The following FHOD3 variants were observed in gnomAD, a reference collection of about 807,000 sequenced individuals.
FHOD3 encodes the protein formin homology 2 domain containing 3.
FHOD3 carries 90 observed loss-of-function variants against 173.0 expected under a neutral mutation model. That is an observed-to-expected ratio of 0.52 (90% CI 0.44 to 0.62). The LOEUF is 0.62. FHOD3 is among the 20% of genes least tolerant of loss of function. The probability of loss-of-function intolerance (pLI) is 0.00; values close to 1 mark genes in which losing one functional copy is unlikely to be tolerated. For missense variants in FHOD3, 1,945 were observed against 2,034.7 expected (o/e 0.96, Z 0.85); for synonymous variants, 828 against 823.0 (o/e 1.01, Z -0.10).
intron 3 of FHOD3, among the ~76,000 whole-genome samples, chr18:36,499,072 A>G (rs1426561140): frequency 1.4e-5 from 2 of 138,672 alleles, no homozygotes; most frequent in African/African-American, 2.8e-5. Flanking sequence ...GCCTATTGCT[A>G]TTTTTGTTTT....
intron 3 of FHOD3, among the ~76,000 whole-genome samples, chr18:36,435,134 C>T (rs568914611): frequency 2.5e-4 from 38 of 149,950 alleles, no homozygotes; most frequent in South Asian, 2.3e-3. Flanking sequence ...AGAAAAGACC[C>T]GTTTCCTTGA....
intron 3 of FHOD3, among the ~76,000 whole-genome samples, chr18:36,495,381 A>G (rs967957203): frequency 2.6e-5 from 4 of 151,806 alleles, no homozygotes; most frequent in Admixed American, 6.6e-5. Flanking sequence ...CTCCCCTGCA[A>G]CCTCCCCTGA....
intron 3 of FHOD3, among the ~76,000 whole-genome samples, chr18:36,382,323 C>T (rs1050573051): frequency 3.2e-4 from 49 of 152,242 alleles, no homozygotes; most frequent in Non-Finnish European, 1.0e-4. Flanking sequence ...ACTTCTGTTC[C>T]CGGAACAAAG....
At chr18:36,377,103 C>T (rs2047479119) in intron 3 of FHOD3, among the ~76,000 whole-genome samples, 1 of 152,162 alleles carries the variant, frequency 6.6e-6, no homozygotes, top group Admixed American at 6.5e-5. Context: ...CCTGTAGCTA[C>T]AGTATAGGGG....
intron 10 of FHOD3, among the ~76,000 whole-genome samples, chr18:36,630,087 T>C (rs1167325403): frequency 6.6e-6 from 1 of 152,194 alleles, no homozygotes; most frequent in East Asian, 1.9e-4. Flanking sequence ...ATCCACATGA[T>C]GCTGAGATAG....
chr18:36,634,341 G>A (rs2034724755), intron 10 of FHOD3, among the ~76,000 whole-genome samples: 1 of 152,122 alleles, frequency 6.6e-6, no homozygotes, highest in Non-Finnish European at 1.5e-5. Flanking sequence ...TGGGGGGTGA[G>A]CTCATCTTCC....
chr18:36,398,156 A>T (rs1255804265), intron 3 of FHOD3, among the ~76,000 whole-genome samples: 9 of 152,220 alleles, frequency 5.9e-5, no homozygotes. Flanking sequence ...AATATGCAGG[A>T]AGTTAAAAGG....
chr18:36,583,172 AT>A (rs1206564038), intron 6 of FHOD3, among the ~76,000 whole-genome samples: 1 of 152,178 alleles, frequency 6.6e-6, no homozygotes, highest in African/African-American at 2.4e-5. Flanking sequence ...TTTTAGGGTC[AT>A]TGTACAATTA....
intron 5 of FHOD3, among the ~76,000 whole-genome samples, chr18:36,554,250 A>G (rs922669176): frequency 4.6e-5 from 7 of 152,194 alleles, no homozygotes; most frequent in East Asian, 1.9e-4. Context: ...ATGTCCATCA[A>G]TGATAGACTG....
chr18:36,448,590 G>A (rs988877742), intron 3 of FHOD3, among the ~76,000 whole-genome samples: 3 of 152,066 alleles, frequency 2.0e-5, no homozygotes, highest in Non-Finnish European at 2.9e-5. Flanking sequence ...AAGGCTCCCC[G>A]CCTCCCTCTG....
chr18:36,299,162 A>T (rs1428157330), intron 1 of FHOD3, among the ~76,000 whole-genome samples: 1 of 152,184 alleles, frequency 6.6e-6, no homozygotes, highest in Admixed American at 6.5e-5. Context: ...TTTCCTCTCT[A>T]TTAATGTATC....
intron 5 of FHOD3, among the ~76,000 whole-genome samples, chr18:36,550,801 T>C (rs1203709268): frequency 1.3e-5 from 2 of 152,222 alleles, no homozygotes; most frequent in South Asian, 2.1e-4. Flanking sequence ...AACTGACTTA[T>C]TAGTTCTACT....
At chr18:36,631,308 A>G (rs772943696) in intron 10 of FHOD3, among the ~76,000 whole-genome samples, 5 of 152,232 alleles carry the variant, frequency 3.3e-5, no homozygotes, top group Non-Finnish European at 7.3e-5. Flanking sequence ...GTATTGAAGC[A>G]TGGGAGGGCA....
intron 28 of FHOD3, among the ~76,000 whole-genome samples, chr18:36,777,322 T>C (rs1600683440): frequency 6.6e-6 from 1 of 150,816 alleles, no homozygotes; most frequent in Non-Finnish European, 1.5e-5. Context: ...CTGCATCAGC[T>C]TCCCGAGTAG....
chr18:36,370,933 T>G (rs932205273), intron 2 of FHOD3, among the ~76,000 whole-genome samples: 1 of 152,206 alleles, frequency 6.6e-6, no homozygotes, highest in African/African-American at 2.4e-5. Context: ...AATCAAAACT[T>G]TCTTCTGGTC....
chr18:36,695,491 G>T (rs1172523107), intron 17 of FHOD3, among the ~76,000 whole-genome samples: 2 of 152,126 alleles, frequency 1.3e-5, no homozygotes, highest in Non-Finnish European at 2.9e-5. Context: ...GCTTGAATCT[G>T]CATATAACCA....
Position 36,501,981 on chromosome 18 carries a change from C to T in FHOD3, c.387C>T (p.Ser129=), listed in dbSNP as rs774533065. 6.2e-7 allele frequency: 1 copy of T among 1,604,898 alleles called. No homozygotes were observed. Among genetic ancestry groups the T allele is most frequent in the East Asian group, 2.2e-5 (1 of 44,650 alleles). ...SGRDLRRALF[S]LKQIFQDDKD... is the part of the protein sequence containing the mutation. ...GAGATTTGAGAAGGGCCCTCTTCTCCCTGAAGCAGATATTTCAGGTAAATA... is the reference window on the plus strand; with the variant it reads ...GAGATTTGAGAAGGGCCCTCTTCTCTCTGAAGCAGATATTTCAGGTAAATA... The change falls in exon 4 of 29, where the codon TCC becomes TCT. Residue 129 remains serine (S), a synonymous_variant. Coordinates refer to ENST00000590592, the MANE Select transcript of FHOD3 (RefSeq NM_001281740.3).
At chr18:36,306,780 C>T (rs2092111403) in intron 1 of FHOD3, among the ~76,000 whole-genome samples, 1 of 152,102 alleles carries the variant, frequency 6.6e-6, no homozygotes, top group Non-Finnish European at 1.5e-5. Context: ...TAAATATTTA[C>T]TGAGTGAGAG....
chr18:36,467,563 AG>A (rs1009427106), intron 3 of FHOD3, among the ~76,000 whole-genome samples: 39 of 152,218 alleles, frequency 2.6e-4, no homozygotes, highest in African/African-American at 9.1e-4. Context: ...AAGGGGGTCA[AG>A]GGCAAATCCC....
Sources: gnomAD v4.1 joint callset for allele counts (sites outside exome capture counted in the v4.1 genomes callset) on GRCh38, gnomAD v4.1.1 for gene constraint, MANE v1.5 for transcripts, NCBI Gene and HGNC (gene_info 2026-07-23, HGNC 2026-07-21) for gene names.